The following PPFIA2 variants were observed in gnomAD, a reference collection of about 807,000 sequenced individuals.
The protein encoded by PPFIA2 is PPFI scaffold protein A2, also known as liprin-alpha-2.
A neutral mutation model predicts 175.5 loss-of-function variants in PPFIA2; 46 were observed. The observed-to-expected ratio is 0.26, with a 90% CI of 0.21 to 0.34. PPFIA2 has a LOEUF of 0.34. Ranked by LOEUF, PPFIA2 falls within the 10% of genes least tolerant of loss-of-function variation. PPFIA2 has a pLI of 1.00. For missense variants in PPFIA2, 1,179 were observed against 1,506.1 expected (o/e 0.78, Z 3.60); for synonymous variants, 568 against 511.4 (o/e 1.11, Z -1.49).
intron 4 of PPFIA2, among the ~76,000 whole-genome samples, chr12:81,561,525 A>T (rs2070080712): frequency 6.6e-6 from 1 of 152,146 alleles, no homozygotes; most frequent in Non-Finnish European, 1.5e-5. Context: ...CCCAAAAAAA[A>T]CGTTAAGCAA....
chr12:81,404,850 G>A (rs1230815579), intron 8 of PPFIA2, among the ~76,000 whole-genome samples: 1 of 152,136 alleles, frequency 6.6e-6, no homozygotes, highest in Non-Finnish European at 1.5e-5. Context: ...GCTATTTATT[G>A]TATTGTCCAG....
intron 3 of PPFIA2, among the ~76,000 whole-genome samples, chr12:81,744,135 T>C (rs1285356694): frequency 6.6e-6 from 1 of 152,150 alleles, no homozygotes; most frequent in Non-Finnish European, 1.5e-5. Flanking sequence ...TCACAGGTTT[T>C]AGCAAAAGTT....
intron 3 of PPFIA2, among the ~76,000 whole-genome samples, chr12:81,687,908 C>G (rs1410245566): frequency 6.6e-6 from 1 of 151,654 alleles, no homozygotes; most frequent in Non-Finnish European, 1.5e-5. Flanking sequence ...GCTATGGATA[C>G]AGATTACATA....
At chr12:81,406,638 T>C (rs1428730613) in intron 7 of PPFIA2, among the ~76,000 whole-genome samples, 1 of 152,110 alleles carries the variant, frequency 6.6e-6, no homozygotes, top group East Asian at 1.9e-4. Flanking sequence ...TTCAGTCTTT[T>C]TAAAATGATG....
rs530683417 is a variant in PPFIA2 at position 81,259,815 on chromosome 12, T to C, written c.*34-155A>G. ...ATCTAGGATGTAGCCAACAGCCGTA[T>C]GTAATTAACATTTGCTTTTCTCCAA... On this transcript the variant is annotated intron_variant, in intron 32 of 32. Transcript: ENST00000549396. The C allele has an allele frequency of 2.0e-3, 1,019 of 501,996 alleles. 2 individuals carry two copies. The highest frequency in any genetic ancestry group is 8.0e-3 in the Admixed American group (210 of 26,232). 31.1% of individuals were successfully genotyped at this position (501,996 alleles called of 1,614,324 possible). A position where few individuals can be genotyped will look rare whatever the true frequency, so the allele number is the denominator to read the frequency against.
intron 4 of PPFIA2, chr12:81,465,098 C>T (rs1566941336): frequency 6.6e-6 from 1 of 152,090 alleles, no homozygotes; most frequent in African/African-American, 2.4e-5. Flanking sequence ...GTCAATGACA[C>T]CAGACAGTCT....
chr12:81,309,711 A>G (rs2050242141), intron 22 of PPFIA2, among the ~76,000 whole-genome samples: 1 of 152,056 alleles, frequency 6.6e-6, no homozygotes, highest in African/African-American at 2.4e-5. Flanking sequence ...TCATATTTAA[A>G]CCGTTTATCT....
At chr12:81,364,175 G>A (rs1178768797) in intron 14 of PPFIA2, among the ~76,000 whole-genome samples, 1 of 151,698 alleles carries the variant, frequency 6.6e-6, no homozygotes, top group Non-Finnish European at 1.5e-5. Context: ...ACGTGCATAC[G>A]CCTCTTAGTG....
chr12:81,476,867 A>T (rs915514231), intron 4 of PPFIA2, among the ~76,000 whole-genome samples: 1 of 152,220 alleles, frequency 6.6e-6, no homozygotes, highest in Non-Finnish European at 1.5e-5. Context: ...ACCATGGAAT[A>T]GTATGCATCC....
intron 8 of PPFIA2, 147 bp downstream of exon 8, chr12:81,405,640 T>C: frequency 3.8e-6 from 2 of 525,400 alleles, no homozygotes; most frequent in South Asian, 6.6e-5. Context: ...GAACAAATAT[T>C]AGAAAGGAAA....
At chr12:81,617,457 G>C (rs1331445214) in intron 4 of PPFIA2, among the ~76,000 whole-genome samples, 2 of 152,086 alleles carry the variant, frequency 1.3e-5, no homozygotes, top group African/African-American at 4.8e-5. Flanking sequence ...CCTTCAACTT[G>C]GAGCTCCTAG....
chr12:81,506,554 T>C (rs756942085), intron 4 of PPFIA2, among the ~76,000 whole-genome samples: 44 of 152,230 alleles, frequency 2.9e-4, no homozygotes, highest in Admixed American at 1.8e-3. Context: ...TTTTGATGAA[T>C]TGAATTAAAC....
chr12:81,574,518 T>C (rs1426221439), intron 4 of PPFIA2, among the ~76,000 whole-genome samples: 1 of 151,792 alleles, frequency 6.6e-6, no homozygotes, highest in Non-Finnish European at 1.5e-5. Context: ...TCACCATCCC[T>C]GGTGTAAAAG....
intron 3 of PPFIA2, among the ~76,000 whole-genome samples, chr12:81,707,733 T>C (rs1378178452): frequency 6.6e-6 from 1 of 151,404 alleles, no homozygotes; most frequent in Non-Finnish European, 1.5e-5. Flanking sequence ...GTATGTTTAT[T>C]GCGGCACTAT....
Position 81,450,708 on chromosome 12 carries a change from C to G in PPFIA2, c.406-4988G>C, listed in dbSNP as rs151034205. ...CTTTTGGTGTTTTAGACATGAAGTC[C>G]TATCATCCCTATGTCCTGAATGGTA... On this transcript the variant is annotated intron_variant, in intron 5 of 32. Transcript: ENST00000549396. Among the ~76,000 whole-genome samples, 730 of 152,186 alleles carry G rather than the reference C, an allele frequency of 4.8e-3. 9 individuals are homozygous for G. Among genetic ancestry groups the G allele is most frequent in the African/African-American group, 0.013 (547 of 41,528 alleles).
chr12:81,347,507 A>G (rs776280901), intron 18 of PPFIA2, 26 bp downstream of exon 18: 1 of 1,554,220 alleles, frequency 6.4e-7, no homozygotes, highest in Non-Finnish European at 8.9e-7. Context: ...ACAGGAGGCA[A>G]AGGTTCTCTG....
intron 5 of PPFIA2, among the ~76,000 whole-genome samples, chr12:81,449,454 A>G (rs1308205028): frequency 6.6e-6 from 1 of 151,736 alleles, no homozygotes; most frequent in African/African-American, 2.4e-5. Flanking sequence ...GTTTTTGCTT[A>G]CAGTCATGTT....
At position 81,642,696 on chromosome 12, in the gene PPFIA2, A is replaced by AATG. The variant is rs1567686789; in HGVS notation, c.303+34094_303+34095insCAT. ...ACATGTATGTATCTATTATATACAT[A>AATG]CATGTATATGTATGTATGTATTATA... On this transcript the variant is annotated intron_variant, in intron 4 of 32. Coordinates refer to ENST00000549396, the MANE Select transcript of PPFIA2 (RefSeq NM_003625.5). Among the ~76,000 whole-genome samples, 125 of 54,034 alleles carry AATG rather than the reference A, an allele frequency of 2.3e-3. 38 individuals are homozygous for AATG. Among genetic ancestry groups the AATG allele is most frequent in the South Asian group, 8.4e-3 (13 of 1,542 alleles). 35.4% of individuals were successfully genotyped at this position (54,034 alleles called of 152,430 possible).
chr12:81,273,766 G>A (rs1035566076), intron 28 of PPFIA2, among the ~76,000 whole-genome samples: 2 of 151,992 alleles, frequency 1.3e-5, no homozygotes, highest in Non-Finnish European at 2.9e-5. Context: ...AATATGAGAG[G>A]AATGCCCACA....
Sources: allele counts gnomAD v4.1 joint callset (sites outside exome capture counted in the v4.1 genomes callset), GRCh38; gene constraint gnomAD v4.1.1; transcripts MANE v1.5; gene names NCBI Gene and HGNC (gene_info 2026-07-23, HGNC 2026-07-21).